LRRC4C: variants seen among roughly 807,000 people sequenced by gnomAD.
LRRC4C encodes the protein leucine rich repeat containing 4C.
A neutral mutation model predicts 33.6 loss-of-function variants in LRRC4C; 5 were observed. The ratio of observed to expected loss-of-function variants is 0.15; its 90% CI spans 0.08 to 0.31. LRRC4C has a LOEUF of 0.31. Ranked by LOEUF, LRRC4C falls within the 10% of genes least tolerant of loss-of-function variation. The pLI, the probability that LRRC4C is intolerant of heterozygous loss-of-function variation, is 1.00. For synonymous variants in LRRC4C, 329 were observed against 302.0 expected, an observed-to-expected ratio of 1.09 and a Z score of -0.93; for missense variants, 560 against 796.7, an observed-to-expected ratio of 0.70 and a Z score of 3.58.
chr11:41,025,097 G>C (rs553497137), intron 1 of LRRC4C, among the ~76,000 whole-genome samples: 9 of 151,196 alleles, frequency 6.0e-5, no homozygotes, highest in Non-Finnish European at 1.3e-4. Context: ...CCCTCTACTT[G>C]GACCTCTCTA....
intron 3 of LRRC4C, among the ~76,000 whole-genome samples, chr11:40,558,479 C>G (rs1270201845): frequency 6.6e-6 from 1 of 152,030 alleles, no homozygotes; most frequent in Non-Finnish European, 1.5e-5. Context: ...TTTCTTAATC[C>G]CAGAAGAAAA....
At chr11:40,237,429 C>T (rs1865641737) in intron 5 of LRRC4C, among the ~76,000 whole-genome samples, 1 of 152,158 alleles carries the variant, frequency 6.6e-6, no homozygotes, top group South Asian at 2.1e-4. Flanking sequence ...TGACTTGGAC[C>T]TCTGATTAGA....
At chr11:41,112,582 T>C (rs1324074329) in intron 1 of LRRC4C, among the ~76,000 whole-genome samples, 1 of 152,070 alleles carries the variant, frequency 6.6e-6, no homozygotes, top group African/African-American at 2.4e-5. Context: ...TCCTTTAAAA[T>C]TTTATAAACA....
chr11:40,506,588 T>C (rs1281345099), intron 3 of LRRC4C, among the ~76,000 whole-genome samples: 2 of 152,152 alleles, frequency 1.3e-5, no homozygotes, highest in Non-Finnish European at 2.9e-5. Flanking sequence ...CTCTTCTATT[T>C]TCTCAAGGTT....
At chr11:40,923,281 T>C (rs941185519) in intron 2 of LRRC4C, among the ~76,000 whole-genome samples, 8 of 152,238 alleles carry the variant, frequency 5.3e-5, no homozygotes, top group Non-Finnish European at 1.5e-5. Context: ...CCAAGAGTCA[T>C]TCTTCTCAAC....
At chr11:41,170,263 T>C (rs1944912693) in intron 1 of LRRC4C, among the ~76,000 whole-genome samples, 1 of 152,164 alleles carries the variant, frequency 6.6e-6, no homozygotes, top group African/African-American at 2.4e-5. Context: ...ACTTTAAAGT[T>C]CATATGGAAC....
At chr11:40,305,337 G>A (rs1277476746) in intron 4 of LRRC4C, among the ~76,000 whole-genome samples, 1 of 152,184 alleles carries the variant, frequency 6.6e-6, no homozygotes, top group Non-Finnish European at 1.5e-5. Context: ...TTGTCCATGA[G>A]AGTACAGACC....
intron 3 of LRRC4C, among the ~76,000 whole-genome samples, chr11:40,587,463 T>G (rs1251592444): frequency 8.2e-5 from 12 of 146,076 alleles, no homozygotes; most frequent in African/African-American, 1.3e-4. Context: ...TGAATACCCT[T>G]TATTTCCTTC....
At chr11:40,335,524 G>A (rs1946557898) in intron 3 of LRRC4C, among the ~76,000 whole-genome samples, 2 of 152,302 alleles carry the variant, frequency 1.3e-5, no homozygotes, top group African/African-American at 2.4e-5. Flanking sequence ...CTTCGCTAGA[G>A]CATGAAAAAT....
chr11:40,437,553 C>T (rs1951195700), intron 3 of LRRC4C, among the ~76,000 whole-genome samples: 1 of 151,874 alleles, frequency 6.6e-6, no homozygotes, highest in Non-Finnish European at 1.5e-5. Flanking sequence ...GCCACCACAT[C>T]TGGCTAATTT....
At chr11:41,207,302 G>C (rs566277780) in intron 1 of LRRC4C, among the ~76,000 whole-genome samples, 38 of 152,204 alleles carry the variant, frequency 2.5e-4, no homozygotes, top group Non-Finnish European at 3.8e-4. Context: ...TTTTTTAAAA[G>C]TTCCTCTCTC....
At chr11:41,047,599 A>T (rs530861894) in intron 1 of LRRC4C, among the ~76,000 whole-genome samples, 30 of 152,270 alleles carry the variant, frequency 2.0e-4, no homozygotes, top group African/African-American at 5.8e-4. Flanking sequence ...TAAAAAATTT[A>T]AAAAAGATTA....
chr11:41,211,684 T>A (rs1394207517), intron 1 of LRRC4C, among the ~76,000 whole-genome samples: 1 of 152,232 alleles, frequency 6.6e-6, no homozygotes, highest in African/African-American at 2.4e-5. Flanking sequence ...GGCTGCATAG[T>A]ATTCCATGGT....
At chr11:40,990,273 A>ATG (rs1853440629) in intron 1 of LRRC4C, among the ~76,000 whole-genome samples, 14 of 127,436 alleles carry the variant, frequency 1.1e-4, no homozygotes, top group South Asian at 9.9e-4. Context: ...ATATATATAT[A>ATG]TGAATATATG....
At chr11:40,242,728 G>A (rs1424679496) in intron 4 of LRRC4C, among the ~76,000 whole-genome samples, 3 of 151,684 alleles carry the variant, frequency 2.0e-5, no homozygotes, top group Non-Finnish European at 4.4e-5. Flanking sequence ...CTAAATAATT[G>A]CAAACACAAT....
chr11:40,737,207 A>G (rs1947915811), intron 2 of LRRC4C, among the ~76,000 whole-genome samples: 1 of 152,144 alleles, frequency 6.6e-6, no homozygotes, highest in South Asian at 2.1e-4. Flanking sequence ...CTAGGTATTG[A>G]TGGAATGTAT....
intron 2 of LRRC4C, among the ~76,000 whole-genome samples, chr11:40,724,354 G>C (rs1323640218): frequency 6.6e-6 from 1 of 152,090 alleles, no homozygotes; most frequent in Non-Finnish European, 1.5e-5. Context: ...GCGTGTGCTT[G>C]GTGATAAAGC....
chr11:40,460,925 G>C lies in LRRC4C; in HGVS notation c.-269-141204C>G, dbSNP rs562687236. 5.9e-5 allele frequency among the ~76,000 whole-genome samples: 9 copies of C among 152,184 alleles called. No homozygotes were observed. In the East Asian group the frequency reaches 1.5e-3, roughly 26 times the overall value. ...AATGCATTTCCTTAATATATGAAAA[G>C]GATGGTAAAATAACTGTATTTCTCC... On this transcript the variant is annotated intron_variant, in intron 3 of 6. Transcript: ENST00000528697.
At chr11:40,351,276 A>AT (rs34388007) in intron 3 of LRRC4C, among the ~76,000 whole-genome samples, 4,680 of 146,496 alleles carry the variant, frequency 0.032, 192 homozygotes, top group African/African-American at 0.1. Context: ...ACTTGATATG[A>AT]TTTTTTTTTT....
Sources: allele counts gnomAD v4.1 joint callset (sites outside exome capture counted in the v4.1 genomes callset), GRCh38; gene constraint gnomAD v4.1.1; transcripts MANE v1.5; gene names NCBI Gene and HGNC (gene_info 2026-07-23, HGNC 2026-07-21).